TTC7A: variants seen among roughly 807,000 people sequenced by gnomAD.
The protein encoded by TTC7A is tetratricopeptide repeat protein 7A.
TTC7A carries 110 observed loss-of-function variants against 103.7 expected under a neutral mutation model. The observed-to-expected ratio is 1.06, with a 90% confidence interval of 0.91 to 1.24. The LOEUF is 1.24. Among genes scored for constraint, TTC7A ranks in the 50% most tolerant of loss-of-function variants. The pLI is 0.00. For missense variants in TTC7A, 1,340 were observed against 1,116.3 expected (o/e 1.20, Z -2.86); for synonymous variants, 521 against 467.9 (o/e 1.11, Z -1.47).
chr2:47,051,738 C>T lies in TTC7A; in HGVS notation c.2018-8C>T, dbSNP rs1243503559. The T allele has an allele frequency of 3.7e-6, 6 of 1,607,680 alleles. No homozygotes were observed. The highest frequency in any genetic ancestry group is 2.2e-5 in the East Asian group (1 of 44,816). On this transcript the variant is annotated splice_polypyrimidine_tract_variant and splice_region_variant and intron_variant, in intron 17 of 19. Coordinates refer to ENST00000319190, the MANE Select transcript of TTC7A (RefSeq NM_020458.4). The stretch of plus-strand genomic sequence containing the variant: ...CCACTGCTCGGCTCGTGCCCTCTTG[C>T]TCTGCAGGCTCCCGGCGGGCTTCGT...
rs1675956439 is a variant in TTC7A at position 46,994,483 on chromosome 2, C to T, written c.970C>T (p.Leu324=). 2.5e-6 allele frequency: 4 copies of T among 1,614,104 alleles called. No individual in the cohort carries two copies. The highest frequency in any genetic ancestry group is 3.4e-6 in the Non-Finnish European group (4 of 1,180,000). ...KEESSFATQA[L]RKPHLYEGDN... ...GGAGAGTTCTTTCGCCACTCAGGCC[C>T]TGCGGAAACCTCACCTCTATGAAGG... Residue 324 remains leucine (L), a synonymous_variant, in exon 7 of 20, where the codon CTG becomes TTG. Coordinates refer to ENST00000319190, the MANE Select transcript of TTC7A (RefSeq NM_020458.4).
intron 2 of TTC7A, among the ~76,000 whole-genome samples, chr2:46,920,740 C>G (rs1012110637): frequency 4.0e-5 from 6 of 151,884 alleles, no homozygotes; most frequent in Non-Finnish European, 7.4e-5. Flanking sequence ...TGCCTATCTA[C>G]TTGAACACTT....
intron 18 of TTC7A, among the ~76,000 whole-genome samples, chr2:47,058,441 C>T (rs568039090): frequency 6.6e-6 from 1 of 152,368 alleles, no homozygotes; most frequent in South Asian, 2.1e-4. Context: ...GCCTCTCCTG[C>T]TGCCTACTGG....
intron 16 of TTC7A, among the ~76,000 whole-genome samples, chr2:47,048,631 C>T (rs1682561745): frequency 6.6e-6 from 1 of 152,182 alleles, no homozygotes; most frequent in Non-Finnish European, 1.5e-5. Context: ...GAGACAGGGT[C>T]TTGCCCTGTT....
At chr2:47,056,494 G>C (rs1394418922) in intron 18 of TTC7A, among the ~76,000 whole-genome samples, 3 of 152,234 alleles carry the variant, frequency 2.0e-5, no homozygotes, top group African/African-American at 4.8e-5. Context: ...CAGCCTGCGG[G>C]CAAGGCCCTC....
At chr2:46,986,281 G>A (rs1484006190) in intron 5 of TTC7A, among the ~76,000 whole-genome samples, 2 of 152,164 alleles carry the variant, frequency 1.3e-5, no homozygotes, top group African/African-American at 2.4e-5. Flanking sequence ...AACCCTTCTC[G>A]GTGTTCAGGG....
Position 46,950,483 on chromosome 2 carries a change from C to T in TTC7A, c.305C>T (p.Ala102Val), listed in dbSNP as rs760769318. The T allele has an allele frequency of 1.7e-5, 27 of 1,613,982 alleles. No homozygotes were observed. Among genetic ancestry groups the T allele is most frequent in the Non-Finnish European group, 2.3e-5 (27 of 1,180,034 alleles). Reference sequence around the variant, plus strand: ...AAGAATGAGCCGAAGATGAGCGAAGCCAAAAATTATCTAAGCAGTATCCTT... The same window carrying T: ...AAGAATGAGCCGAAGATGAGCGAAGTCAAAAATTATCTAAGCAGTATCCTT... ...LEKNEPKMSEAKNYLSSILNH... is the reference protein window; with the variant it reads ...LEKNEPKMSEVKNYLSSILNH... Residue 102 changes from alanine (A) to valine (V), a missense_variant, in exon 2 of 20, where the codon GCC (alanine) becomes GTC (valine). Physicochemically the swap from Ala to Val is moderately conservative, Grantham distance 64. Coordinates refer to ENST00000319190, the MANE Select transcript of TTC7A (RefSeq NM_020458.4).
chr2:47,060,425 C>G (rs551031387), intron 18 of TTC7A, among the ~76,000 whole-genome samples: 1 of 152,038 alleles, frequency 6.6e-6, no homozygotes. Flanking sequence ...CATGGTCATA[C>G]CAGTGCACTC....
At chr2:47,071,895 G>C (rs1388963178) in intron 19 of TTC7A, among the ~76,000 whole-genome samples, 1 of 152,258 alleles carries the variant, frequency 6.6e-6, no homozygotes, top group East Asian at 1.9e-4. Context: ...CTTAACGTGT[G>C]GAAGCCACTC....
intron 11 of TTC7A, among the ~76,000 whole-genome samples, chr2:47,018,281 G>GA (rs35448648): frequency 9.7e-4 from 121 of 124,412 alleles, no homozygotes; most frequent in African/African-American, 1.2e-3. Context: ...GTCCGTCTCA[G>GA]AAAAAAAAAA....
chr2:47,008,574 A>C (rs1438346860), intron 10 of TTC7A, among the ~76,000 whole-genome samples: 2 of 152,178 alleles, frequency 1.3e-5, no homozygotes. Context: ...ATGAGGCTTC[A>C]TGGGCTGGAG....
At chr2:47,011,741 C>T (rs1346372135) in intron 11 of TTC7A, among the ~76,000 whole-genome samples, 1 of 152,248 alleles carries the variant, frequency 6.6e-6, no homozygotes, top group Non-Finnish European at 1.5e-5. Context: ...TAGGTAAGAC[C>T]TTGAGTCACC....
At chr2:46,962,164 C>A (rs1672439836) in intron 3 of TTC7A, among the ~76,000 whole-genome samples, 1 of 152,222 alleles carries the variant, frequency 6.6e-6, no homozygotes, top group South Asian at 2.1e-4. Context: ...TGGTGTCCAA[C>A]ATAATCTGTG....
intron 3 of TTC7A, among the ~76,000 whole-genome samples, chr2:46,957,496 C>A (rs74607855): frequency 0.014 from 2,176 of 152,324 alleles, 55 homozygotes; most frequent in African/African-American, 0.049. Flanking sequence ...TTGTCGGGCA[C>A]CTGCTGTGAG....
intron 7 of TTC7A, among the ~76,000 whole-genome samples, chr2:46,994,790 C>T (rs1473355366): frequency 6.6e-6 from 1 of 152,228 alleles, no homozygotes; most frequent in South Asian, 2.1e-4. Context: ...ACACCTCTCT[C>T]TCGCTTGTGC....
At chr2:46,915,909 A>C (rs921819137), upstream of TTC7A, 3 of 984,030 alleles carry the variant, frequency 3.0e-6, no homozygotes, top group African/African-American at 5.3e-5. Context: ...GCGGGCTGTG[A>C]GGACGGCTCG....
rs372249259 is a variant in TTC7A, at chr2:47,019,820, A to G, written c.1393-2042A>G. Among the ~76,000 whole-genome samples the G allele has an allele frequency of 9.2e-5, 14 of 152,262 alleles. No individual in the cohort carries two copies. The East Asian group carries it at 2.5e-3, about 27-fold the overall frequency. On this transcript the variant is annotated intron_variant, in intron 11 of 19. Transcript: ENST00000319190. ...TTTATAACTTGTGCTTGGTGTTTGT[A>G]AGAAAGCTTTTTCTGTTTGAATGGA...
chr2:47,045,061 C>A (rs905314091), intron 15 of TTC7A, among the ~76,000 whole-genome samples: 1 of 152,220 alleles, frequency 6.6e-6, no homozygotes, highest in African/African-American at 2.4e-5. Context: ...GGGCAGTGAT[C>A]AAGTGCAGGC....
In TTC7A at chr2:47,011,347, C is replaced by G. The variant is rs1302142283; in HGVS notation, c.1304C>G (p.Ser435Cys). 1 of 1,613,390 alleles carries G rather than the reference C, an allele frequency of 6.2e-7. No individual in the cohort carries two copies. Among genetic ancestry groups the G allele is most frequent in the Non-Finnish European group, 8.5e-7 (1 of 1,179,852 alleles). The change falls in exon 11 of 20, where the codon TCC (serine) becomes TGC (cysteine). Residue 435 changes from serine (S) to cysteine (C), a missense_variant. Coordinates refer to ENST00000319190, the MANE Select transcript of TTC7A (RefSeq NM_020458.4). The stretch of plus-strand genomic sequence containing the variant: ...TTTCTGCAGTCAGCCTACGCTGTGT[C>G]CCTGCTGCGGGAGTGTGTGAAGTTG... ...VACGKSAYAV[S>C]LLRECVKLRP...
Sources: allele counts gnomAD v4.1 joint callset (sites outside exome capture counted in the v4.1 genomes callset), GRCh38; gene constraint gnomAD v4.1.1; transcripts MANE v1.5; gene names NCBI Gene and HGNC (gene_info 2026-07-23, HGNC 2026-07-21).